KLHL4: variants seen among roughly 807,000 people sequenced by gnomAD.
KLHL4 encodes kelch like family member 4.
KLHL4 carries 17 observed loss-of-function variants against 45.8 expected under a neutral mutation model. That is an observed-to-expected ratio of 0.37 (90% CI 0.25 to 0.56). The LOEUF (loss-of-function observed/expected upper bound fraction) is 0.56, where lower values mean the gene tolerates loss of function less well. Ranked by LOEUF, KLHL4 falls within the 20% of genes least tolerant of loss-of-function variation. The pLI is 0.79. For synonymous variants in KLHL4, 224 were observed against 189.9 expected (o/e 1.18, Z -1.47); for missense variants, 544 against 544.9 (o/e 1.00, Z 0.02).
chrX:87,618,159 G>T, intron 4 of KLHL4, 31 bp downstream of exon 4: 2 of 1,032,121 alleles, frequency 1.9e-6, no homozygotes, highest in Non-Finnish European at 2.6e-6. Flanking sequence ...TGAACTTGTA[G>T]TAAAAATATG....
intron 9 of KLHL4, among the ~76,000 whole-genome samples, chrX:87,657,620 G>GC (rs2147840295): frequency 9.0e-6 from 1 of 111,510 alleles, no homozygotes; most frequent in Non-Finnish European, 1.9e-5. Context: ...GTTGTAATGG[G>GC]CTGTGCAGGT....
intron 1 of KLHL4, among the ~76,000 whole-genome samples, chrX:87,577,021 A>T (rs781460018): frequency 8.9e-6 from 1 of 111,874 alleles, no homozygotes; most frequent in South Asian, 3.7e-4. Flanking sequence ...ATGAACAATG[A>T]AAATATTTTA....
chrX:87,530,238 G>T (rs1237770265), intron 1 of KLHL4, among the ~76,000 whole-genome samples: 2 of 109,851 alleles, frequency 1.8e-5, no homozygotes, highest in African/African-American at 6.6e-5. Context: ...TTTTCTTCTA[G>T]GGTTTTTATG....
chrX:87,541,368 C>T (rs1931551450), intron 1 of KLHL4, among the ~76,000 whole-genome samples: 1 of 107,138 alleles, frequency 9.3e-6, no homozygotes, highest in African/African-American at 3.4e-5. Context: ...ACCTGTAGTC[C>T]CAGCTACTCA....
At position 87,635,573 on chromosome X, in the gene KLHL4, A is replaced by C; in HGVS notation, c.1723A>C (p.Ile575Leu). 8.3e-7 allele frequency: 1 copy of C among 1,206,301 alleles called. No homozygotes were observed. Among genetic ancestry groups the C allele is most frequent in the Non-Finnish European group, 1.1e-6 (1 of 890,804 alleles). Residue 575 changes from isoleucine (I) to leucine (L), a missense_variant, in exon 9 of 11, where the codon ATT (isoleucine) becomes CTT (leucine). Transcript: ENST00000373119. ...TGTCTTTTTATCTAGATTATATGCT[A>C]TTGGTGGACGTGATGGAAGTTCCTG... is the stretch of plus-strand genomic sequence containing the variant. ...VVALNNKLYA[I>L]GGRDGSSCLK...
At chrX:87,526,732 C>T (rs1054639733) in intron 1 of KLHL4, among the ~76,000 whole-genome samples, 2 of 111,675 alleles carry the variant, frequency 1.8e-5, no homozygotes, top group Non-Finnish European at 3.8e-5. Context: ...CAATGGAAGA[C>T]TTCAGTTTTG....
intron 1 of KLHL4, among the ~76,000 whole-genome samples, chrX:87,604,876 T>A (rs1296402550): frequency 9.0e-6 from 1 of 111,640 alleles, no homozygotes; most frequent in Non-Finnish European, 1.9e-5. Context: ...CACTATGTTC[T>A]CTTCTAGTAT....
intron 1 of KLHL4, among the ~76,000 whole-genome samples, chrX:87,613,020 G>A (rs1325757985): frequency 9.0e-6 from 1 of 111,365 alleles, no homozygotes; most frequent in Non-Finnish European, 1.9e-5. Context: ...GATTTAAAGA[G>A]TGATAATATA....
chrX:87,542,933 C>A (rs747766480), intron 1 of KLHL4, among the ~76,000 whole-genome samples: 1 of 111,567 alleles, frequency 9.0e-6, no homozygotes, highest in Admixed American at 9.5e-5. Context: ...GAAATGTAAT[C>A]CCTTTGTATC....
intron 1 of KLHL4, among the ~76,000 whole-genome samples, chrX:87,569,382 G>A (rs752415867): frequency 1.8e-5 from 2 of 111,270 alleles, no homozygotes; most frequent in Non-Finnish European, 1.9e-5. Context: ...AATTTTAAAT[G>A]GTGAATCCAC....
intron 4 of KLHL4, among the ~76,000 whole-genome samples, chrX:87,618,790 C>T (rs148846334): frequency 0.01 from 1,120 of 111,737 alleles, 10 homozygotes; most frequent in African/African-American, 0.035. Context: ...TGAGACACTG[C>T]GCCCAGCCCA....
At chrX:87,542,185 T>G (rs1172509298) in intron 1 of KLHL4, among the ~76,000 whole-genome samples, 1 of 112,229 alleles carries the variant, frequency 8.9e-6, no homozygotes, top group African/African-American at 3.2e-5. Context: ...TTGGAACTTA[T>G]GTTTAAAAGG....
At chrX:87,577,581 A>G (rs983492179) in intron 1 of KLHL4, among the ~76,000 whole-genome samples, 1 of 111,985 alleles carries the variant, frequency 8.9e-6, no homozygotes, top group Non-Finnish European at 1.9e-5. Context: ...CTCTTTAGAA[A>G]TAACTCCAAG....
chrX:87,593,137 C>G (rs977300579), intron 1 of KLHL4, among the ~76,000 whole-genome samples: 1 of 111,591 alleles, frequency 9.0e-6, no homozygotes, highest in Admixed American at 9.6e-5. Flanking sequence ...TTTCTCTTTA[C>G]TTTTCAACAT....
At chrX:87,662,656 G>A (rs550235458) in intron 9 of KLHL4, among the ~76,000 whole-genome samples, 2 of 111,288 alleles carry the variant, frequency 1.8e-5, no homozygotes, top group South Asian at 3.7e-4. Flanking sequence ...GGGGCTGGGC[G>A]CAGTGGCTCA....
rs147676621 is a variant in KLHL4, at chrX:87,637,914, A to C, written c.1925+2139A>C. On this transcript the variant is annotated intron_variant, in intron 9 of 10. Transcript: ENST00000373119. ...AAGTGAGCTGAGATCATGCCACTGC[A>C]CTCCAGCCTGGGCAACAGAGCGAGA... Among the ~76,000 whole-genome samples the C allele has an allele frequency of 8.6e-3, 967 of 111,901 alleles. 7 individuals are homozygous for C. The highest frequency in any genetic ancestry group is 0.029 in the African/African-American group (903 of 30,786).
At chrX:87,614,783 C>T (rs754845930) in intron 3 of KLHL4, among the ~76,000 whole-genome samples, 6 of 110,103 alleles carry the variant, frequency 5.4e-5, no homozygotes, top group Non-Finnish European at 9.5e-5. Flanking sequence ...GATATAAACT[C>T]GATAATATAA....
chrX:87,663,465 A>G (rs1305681359), intron 9 of KLHL4, among the ~76,000 whole-genome samples: 1 of 112,575 alleles, frequency 8.9e-6, no homozygotes, highest in African/African-American at 3.2e-5. Context: ...TTAATCAAGC[A>G]GTATCCAGAT....
chrX:87,606,707 TA>T (rs1375999332), intron 1 of KLHL4, among the ~76,000 whole-genome samples: 1 of 110,468 alleles, frequency 9.1e-6, no homozygotes, highest in Non-Finnish European at 1.9e-5. Flanking sequence ...ATTAAATCAT[TA>T]AAAAAAAGTC....
Sources: gnomAD v4.1 joint callset for allele counts (sites outside exome capture counted in the v4.1 genomes callset) on GRCh38, gnomAD v4.1.1 for gene constraint, MANE v1.5 for transcripts, NCBI Gene and HGNC (gene_info 2026-07-23, HGNC 2026-07-21) for gene names.